MYO5B: variants seen among roughly 807,000 people sequenced by gnomAD.
MYO5B encodes unconventional myosin-Vb.
MYO5B carries 143 observed loss-of-function variants against 229.3 expected under a neutral mutation model. That is an observed-to-expected ratio of 0.62 (90% CI 0.54 to 0.72). The LOEUF is 0.72. Ranked by LOEUF, MYO5B falls within the 30% of genes least tolerant of loss-of-function variation. The pLI, the probability that MYO5B is intolerant of heterozygous loss-of-function variation, is 0.00. For missense variants in MYO5B, 2,321 were observed against 2,331.0 expected, an observed-to-expected ratio of 1.00 and a Z score of 0.09; for synonymous variants, 918 against 885.2, an observed-to-expected ratio of 1.04 and a Z score of -0.66.
At position 49,841,453 on chromosome 18, in the gene MYO5B, T is replaced by G. The variant is rs745540908; in HGVS notation, c.4613A>C (p.Lys1538Thr). 1.9e-6 allele frequency: 3 copies of G among 1,614,066 alleles called. No homozygotes were observed. The Admixed American group carries it at 5.0e-5, about 27-fold the overall frequency. ...TINGIKKVLK[K>T]HNDDFEMTSF... Reference sequence around the variant, plus strand: ...CGTCATCTCAAAGTCATCATTGTGCTTCTGTGAAAAGAAAAGGACATCCTC... The same window carrying G: ...CGTCATCTCAAAGTCATCATTGTGCGTCTGTGAAAAGAAAAGGACATCCTC... The change falls in exon 35 of 40, where the codon AAG becomes ACG. Residue 1538 changes from lysine (K) to threonine (T), a missense_variant and splice_region_variant. By Grantham distance (78) the Lys-to-Thr change is moderately conservative (BLOSUM62 -1). This residue lies in a region of MYO5B where 2,113 missense variants were observed against 2,044.7 expected (regional missense o/e 1.03). Transcript: ENST00000285039.
At chr18:50,045,668 G>A (rs1166350124) in intron 2 of MYO5B, among the ~76,000 whole-genome samples, 1 of 152,186 alleles carries the variant, frequency 6.6e-6, no homozygotes, top group African/African-American at 2.4e-5. Context: ...GATTACAGGT[G>A]TGAGCCGCCA....
intron 1 of MYO5B, among the ~76,000 whole-genome samples, chr18:50,129,953 G>A (rs1444639274): frequency 2.0e-5 from 3 of 151,922 alleles, no homozygotes; most frequent in Admixed American, 2.0e-4. Context: ...TTTTCCCAAT[G>A]ACCACCGCCC....
chr18:50,180,853 G>GT (rs1190932231), intron 1 of MYO5B, among the ~76,000 whole-genome samples: 1 of 152,180 alleles, frequency 6.6e-6, no homozygotes, highest in Non-Finnish European at 1.5e-5. Context: ...GAATTTCGTT[G>GT]TTTTTTAAGG....
intron 1 of MYO5B, among the ~76,000 whole-genome samples, chr18:50,147,555 G>C (rs1295616431): frequency 6.6e-6 from 1 of 152,194 alleles, no homozygotes; most frequent in Non-Finnish European, 1.5e-5. Flanking sequence ...TCTAGGCCCT[G>C]AGGATACAGC....
At chr18:49,902,566 AC>A in intron 21 of MYO5B, 27 bp downstream of exon 21, 1 of 1,607,618 alleles carries the variant, frequency 6.2e-7, no homozygotes. Flanking sequence ...AGCCCCCGAC[AC>A]CCAGGTAGGG....
At chr18:50,124,833 T>C (rs988141958) in intron 1 of MYO5B, among the ~76,000 whole-genome samples, 7 of 152,148 alleles carry the variant, frequency 4.6e-5, no homozygotes, top group Non-Finnish European at 1.0e-4. Context: ...CAGGAATGTG[T>C]ACAGTCTTTC....
chr18:49,906,595 G>A lies in MYO5B; in HGVS notation c.2238C>T (p.Ile746=), dbSNP rs1362169616. 2 of 1,614,110 alleles carry A rather than the reference G, an allele frequency of 1.2e-6. No homozygotes were observed. Among genetic ancestry groups the A allele is most frequent in the Non-Finnish European group, 1.7e-6 (2 of 1,180,030 alleles). Residue 746 remains isoleucine, a synonymous_variant, in exon 19 of 40, where the codon ATC becomes ATT. Coordinates refer to ENST00000285039, the MANE Select transcript of MYO5B (RefSeq NM_001080467.3). ...PDKFQFGRTK[I]FFRAGQVAYL... The stretch of plus-strand genomic sequence containing the variant: ...AGGCCACCTGGCCTGCTCGAAAGAA[G>A]ATCTTGGTGCGGCCAAACTGGAACT...
chr18:50,057,289 T>C lies in MYO5B; in HGVS notation c.28-1911A>G, dbSNP rs548393027. Among the ~76,000 whole-genome samples the C allele has an allele frequency of 3.3e-5, 5 of 152,340 alleles. No homozygotes were observed. The East Asian group carries it at 7.7e-4, about 24-fold the overall frequency. On this transcript the variant is annotated intron_variant, in intron 1 of 39. Coordinates refer to ENST00000285039, the MANE Select transcript of MYO5B (RefSeq NM_001080467.3). ...GTCCTTCAGCCTCACCACAGCTCTCTTGTCACTGAGTTCCACTCCTGGGAC... is the reference window on the plus strand; with the variant it reads ...GTCCTTCAGCCTCACCACAGCTCTCCTGTCACTGAGTTCCACTCCTGGGAC...
intron 1 of MYO5B, among the ~76,000 whole-genome samples, chr18:50,065,362 A>G (rs1013089410): frequency 5.9e-5 from 9 of 152,178 alleles, no homozygotes; most frequent in Non-Finnish European, 1.2e-4. Context: ...GAGCCTGGGT[A>G]ACTTATAAGG....
chr18:49,983,765 T>C (rs2025841346), intron 8 of MYO5B, among the ~76,000 whole-genome samples: 1 of 152,216 alleles, frequency 6.6e-6, no homozygotes. Context: ...TTTGTACCCA[T>C]GAACTATGTA....
intron 4 of MYO5B, among the ~76,000 whole-genome samples, chr18:50,036,423 C>T (rs1815931): frequency 0.98 from 148,948 of 152,302 alleles, 72,930 homozygotes; most frequent in East Asian, 1. Context: ...GCTTGGCATC[C>T]CAAGAAGTTG....
chr18:49,862,738 G>A (rs2024346022), intron 29 of MYO5B, among the ~76,000 whole-genome samples: 1 of 152,142 alleles, frequency 6.6e-6, no homozygotes, highest in Non-Finnish European at 1.5e-5. Context: ...TAAGACGGTG[G>A]AGGTGAAATG....
chr18:50,088,803 A>G (rs1049352771), intron 1 of MYO5B, among the ~76,000 whole-genome samples: 4 of 152,154 alleles, frequency 2.6e-5, no homozygotes. Flanking sequence ...TTGCATATCT[A>G]TCTTATCTAT....
chr18:50,103,428 A>G (rs1375956139), intron 1 of MYO5B, among the ~76,000 whole-genome samples: 1 of 152,228 alleles, frequency 6.6e-6, no homozygotes, highest in East Asian at 1.9e-4. Flanking sequence ...GTTAAGTCTC[A>G]ATCCATTTTT....
intron 27 of MYO5B, among the ~76,000 whole-genome samples, chr18:49,871,174 A>G (rs565614220): frequency 6.1e-4 from 93 of 152,374 alleles, no homozygotes; most frequent in African/African-American, 2.1e-3. Flanking sequence ...AAATAAGCCA[A>G]TTACAAAAAA....
At chr18:49,882,237 CTT>C (rs1205296400) in intron 22 of MYO5B, among the ~76,000 whole-genome samples, 2 of 152,146 alleles carry the variant, frequency 1.3e-5, no homozygotes, top group Non-Finnish European at 2.9e-5. Flanking sequence ...AGAATAATCT[CTT>C]GTGATCACAT....
intron 1 of MYO5B, among the ~76,000 whole-genome samples, chr18:50,173,765 A>G (rs1348745534): frequency 6.6e-6 from 1 of 152,166 alleles, no homozygotes; most frequent in Non-Finnish European, 1.5e-5. Context: ...AGGAATAGCA[A>G]CATACAAGCT....
chr18:49,950,655 T>A (rs559711632), intron 14 of MYO5B, among the ~76,000 whole-genome samples: 3 of 152,134 alleles, frequency 2.0e-5, no homozygotes, highest in Non-Finnish European at 4.4e-5. Flanking sequence ...TAAAAAGATG[T>A]ACCAACATGC....
At chr18:50,081,819 C>A (rs1235536409) in intron 1 of MYO5B, among the ~76,000 whole-genome samples, 1 of 152,030 alleles carries the variant, frequency 6.6e-6, no homozygotes, top group Non-Finnish European at 1.5e-5. Context: ...GAGGAATTCA[C>A]AATTGTATAC....
Sources: gnomAD v4.1 joint callset for allele counts (sites outside exome capture counted in the v4.1 genomes callset) on GRCh38, gnomAD v4.1.1 for gene constraint, gnomAD v4.1.1 regional missense constraint, MANE v1.5 for transcripts, NCBI Gene and HGNC (gene_info 2026-07-23, HGNC 2026-07-21) for gene names.